The following ICAM2 variants were observed in gnomAD, a reference collection of about 807,000 sequenced individuals.
ICAM2 encodes the protein intercellular adhesion molecule 2.
A neutral mutation model predicts 19.1 loss-of-function variants in ICAM2; 14 were observed. The ratio of observed to expected loss-of-function variants is 0.73; its 90% CI spans 0.48 to 1.15. The LOEUF (loss-of-function observed/expected upper bound fraction) is 1.15, where lower values mean the gene tolerates loss of function less well. ICAM2 is among the 50% of genes most tolerant of loss of function. ICAM2 has a pLI of 0.00. For missense variants in ICAM2, 311 were observed against 355.4 expected (o/e 0.88, Z 1.00); for synonymous variants, 153 against 152.7 (o/e 1.00, Z -0.01).
intron 1 of ICAM2, among the ~76,000 whole-genome samples, chr17:64,019,331 G>A (rs1452545867): frequency 6.6e-6 from 1 of 152,082 alleles, no homozygotes; most frequent in Non-Finnish European, 1.5e-5. Flanking sequence ...GTTGTAGTGT[G>A]CTATGATCAT....
chr17:64,014,112 T>C (rs529619849), intron 1 of ICAM2, among the ~76,000 whole-genome samples: 1 of 152,138 alleles, frequency 6.6e-6, no homozygotes, highest in African/African-American at 2.4e-5. Context: ...AAATATCATG[T>C]TAAAATTTCT....
At chr17:64,007,774 G>A (rs1230635660) in intron 1 of ICAM2, 2 of 152,268 alleles carry the variant, frequency 1.3e-5, no homozygotes, top group African/African-American at 2.4e-5. Context: ...CCCTCCAGGA[G>A]GGAGCCTTGG....
Position 64,003,735 on chromosome 17 carries a change from G to A in ICAM2, c.558C>T (p.Arg186=), listed in dbSNP as rs1910985115. Residue 186 remains arginine (R), a synonymous_variant, in exon 4 of 5, where the codon CGC becomes CGT. Coordinates refer to ENST00000579788, the MANE Select transcript of ICAM2 (RefSeq NM_001099789.2). The part of the protein sequence containing the change: ...NSTADREDGH[R]NFSCLAVLDL... The stretch of plus-strand genomic sequence containing the variant: ...CCAGCACAGCCAGGCAGGAGAAGTT[G>A]CGGTGGCCATCCTCTCTGTCAGCCG... 1 of 1,614,196 alleles carries A rather than the reference G, an allele frequency of 6.2e-7. No homozygotes were observed. Among genetic ancestry groups the A allele is most frequent in the Non-Finnish European group, 8.5e-7 (1 of 1,180,048 alleles).
chr17:64,003,686 T>A lies in ICAM2; in HGVS notation c.607A>T (p.Ile203Phe), dbSNP rs1313045099. Residue 203 changes from isoleucine to phenylalanine, a missense_variant, in exon 4 of 5, where the codon ATC (isoleucine) becomes TTC (phenylalanine). Physicochemically the swap from Ile to Phe is conservative, Grantham distance 21. Coordinates refer to ENST00000579788, the MANE Select transcript of ICAM2 (RefSeq NM_001099789.2). ...VLDLMSRGGNIFHKHSAPKML... is the reference protein window; with the variant it reads ...VLDLMSRGGNFFHKHSAPKML... ...TTCGGGGCTGAGTGTTTGTGAAAGA[T>A]GTTGCCACCGCGAGACATCAAGTCC... The A allele has an allele frequency of 5.6e-6, 9 of 1,614,002 alleles. No homozygotes were observed. The highest frequency in any genetic ancestry group is 3.3e-5 in the Admixed American group (2 of 60,010).
chr17:64,018,943 A>G (rs552606719), intron 1 of ICAM2, among the ~76,000 whole-genome samples: 13 of 151,994 alleles, frequency 8.6e-5, no homozygotes, highest in African/African-American at 2.7e-4. Context: ...GACCGTCTCT[A>G]TCTCTTGACC....
chr17:64,003,302 C>T (rs1043212451), intron 4 of ICAM2: 11 of 429,322 alleles, frequency 2.6e-5, no homozygotes, highest in Admixed American at 1.2e-4. Context: ...GTGTGCCGGC[C>T]GTCCAGGGTC....
rs79522450 is a variant in ICAM2, at chr17:64,003,739, T to G, written c.554A>C (p.His185Pro). Residue 185 changes from histidine to proline, a missense_variant, in exon 4 of 5, where the codon CAC becomes CCC. Transcript: ENST00000579788. Reference sequence around the variant, plus strand: ...CACAGCCAGGCAGGAGAAGTTGCGGTGGCCATCCTCTCTGTCAGCCGTGCT... The same window carrying G: ...CACAGCCAGGCAGGAGAAGTTGCGGGGGCCATCCTCTCTGTCAGCCGTGCT... ...FNSTADREDG[H>P]RNFSCLAVLD... 6.2e-7 allele frequency: 1 copy of G among 1,614,124 alleles called. No individual in the cohort carries two copies. Among genetic ancestry groups the G allele is most frequent in the East Asian group, 2.2e-5 (1 of 44,882 alleles).
At chr17:64,009,468 G>A (rs779570858) in intron 1 of ICAM2, among the ~76,000 whole-genome samples, 2 of 152,180 alleles carry the variant, frequency 1.3e-5, no homozygotes, top group South Asian at 4.1e-4. Context: ...CTTTTTTTGA[G>A]ATGGAGTCTC....
In ICAM2 at chr17:64,003,795, A is replaced by C. The variant is rs751202278; in HGVS notation, c.498T>G (p.Pro166=). 1.9e-6 allele frequency: 3 copies of C among 1,614,258 alleles called. No individual in the cohort carries two copies. The highest frequency in any genetic ancestry group is 1.1e-5 in the South Asian group (1 of 91,092). ...ATGTGGCTGTGGCCTCCTGCGGAGCAGGGGCTGCCTTCCCGAAGGTCTCAT... is the reference window on the plus strand; with the variant it reads ...ATGTGGCTGTGGCCTCCTGCGGAGCCGGGGCTGCCTTCCCGAAGGTCTCAT... ...LHYETFGKAA[P]APQEATATFN... is the part of the protein sequence containing the mutation. The change falls in exon 4 of 5, where the codon CCT becomes CCG. Residue 166 remains proline (P), a synonymous_variant. Transcript: ENST00000579788.
chr17:64,004,496 T>C (rs1911066618), intron 3 of ICAM2: 1 of 173,052 alleles, frequency 5.8e-6, no homozygotes, highest in Admixed American at 5.4e-5. Context: ...TGAATTAGAA[T>C]ACTTCACTTC....
At chr17:64,008,189 G>T (rs779061650) in intron 1 of ICAM2, among the ~76,000 whole-genome samples, 12 of 152,308 alleles carry the variant, frequency 7.9e-5, no homozygotes, top group Middle Eastern at 6.8e-3. Context: ...GCTGGACTTG[G>T]GAATGATGCA....
Position 64,002,912 on chromosome 17 carries a change from G to C in ICAM2, c.663C>G (p.Asp221Glu). The change falls in exon 5 of 5, where the codon GAC becomes GAG. Residue 221 changes from aspartate (D) to glutamate (E), a missense_variant. Coordinates refer to ENST00000579788, the MANE Select transcript of ICAM2 (RefSeq NM_001099789.2). Reference protein sequence around the residue: ...KMLEIYEPVSDSQMVIIVTVV... With the variant: ...KMLEIYEPVSESQMVIIVTVV... ...CCGTGACTATGATGACCATCTGGCT[G>C]TCCGACACAGGCTCTGGGGAGGGAG... 6.2e-7 allele frequency: 1 copy of C among 1,613,358 alleles called. No homozygotes were observed. The highest frequency in any genetic ancestry group is 1.1e-5 in the South Asian group (1 of 91,030).
intron 4 of ICAM2, 43 bp downstream of exon 4, chr17:64,003,601 A>G (rs780672587): frequency 6.4e-7 from 1 of 1,566,566 alleles, no homozygotes. Context: ...AGGGGCTGAA[A>G]GTGACTTATC....
chr17:64,011,172 A>G (rs958279464), intron 1 of ICAM2, among the ~76,000 whole-genome samples: 9 of 152,208 alleles, frequency 5.9e-5, no homozygotes, highest in Admixed American at 2.0e-4. Context: ...AAAAGAAGAC[A>G]TACAAATGGG....
intron 2 of ICAM2, chr17:64,006,315 C>G: frequency 3.8e-6 from 1 of 262,374 alleles, no homozygotes; most frequent in Non-Finnish European, 7.3e-6. Flanking sequence ...TCCAGGAGTT[C>G]GAGACCAGCC....
At chr17:64,006,457 A>G (rs1911212783) in intron 2 of ICAM2, 174 bp downstream of exon 2, 2 of 615,106 alleles carry the variant, frequency 3.3e-6, no homozygotes, top group Non-Finnish European at 5.9e-6. Flanking sequence ...TGATCATGCC[A>G]CTGTACTCCA....
intron 1 of ICAM2, among the ~76,000 whole-genome samples, chr17:64,010,653 A>G (rs778431150): frequency 1.3e-5 from 2 of 152,206 alleles, no homozygotes; most frequent in African/African-American, 2.4e-5. Flanking sequence ...CTAAATGAGC[A>G]TTTACAAATG....
chr17:64,004,628 A>G, intron 3 of ICAM2: 1 of 229,624 alleles, frequency 4.4e-6, no homozygotes, highest in Non-Finnish European at 8.8e-6. Flanking sequence ...AAGATGTCCT[A>G]TCCCAGCCCA....
At chr17:64,014,604 G>A (rs9891147) in intron 1 of ICAM2, among the ~76,000 whole-genome samples, 2 of 63,754 alleles carry the variant, frequency 3.1e-5, no homozygotes, top group East Asian at 5.4e-4. Flanking sequence ...AGAAAGAAAG[G>A]GAGGGAGGGA....
Sources: gnomAD v4.1 joint callset for allele counts (sites outside exome capture counted in the v4.1 genomes callset) on GRCh38, gnomAD v4.1.1 for gene constraint, MANE v1.5 for transcripts, NCBI Gene and HGNC (gene_info 2026-07-23, HGNC 2026-07-21) for gene names.